Variants in MFAP2 observed in about 807,000 individuals in gnomAD.
The protein encoded by MFAP2 is microfibril associated protein 2, also known as microfibrillar-associated protein 2.
A neutral mutation model predicts 30.6 loss-of-function variants in MFAP2; 23 were observed. The ratio of observed to expected loss-of-function variants is 0.75; its 90% confidence interval spans 0.54 to 1.07. The LOEUF is 1.07. MFAP2 is among the 50% of genes least tolerant of loss of function. The probability of loss-of-function intolerance (pLI) is 0.00; values close to 1 mark genes in which losing one functional copy is unlikely to be tolerated. For synonymous variants in MFAP2, 73 were observed against 85.7 expected, an observed-to-expected ratio of 0.85 and a Z score of 0.82; for missense variants, 198 against 223.8, an observed-to-expected ratio of 0.88 and a Z score of 0.74.
At chr1:16,979,574 G>A (rs753784258) in intron 1 of MFAP2, among the ~76,000 whole-genome samples, 2 of 152,214 alleles carry the variant, frequency 1.3e-5, no homozygotes, top group African/African-American at 4.8e-5. Context: ...CCAGAGGCGA[G>A]GGATAGCTGG....
Position 16,976,863 on chromosome 1 carries a change from GCC to G in MFAP2, c.154+32_154+33del, listed in dbSNP as rs1407988132. On this transcript the variant is annotated intron_variant, in intron 4 of 8. Transcript: ENST00000375535. The surrounding 1 kb of genome is among the most constrained non-coding windows in gnomAD (Gnocchi z 5.5). Reference sequence around the variant, plus strand: ...CCCAGGGGGTCTCCCCACCCCAGCTGCCGGCCCGTCCTATCCTACCCCTAGCC... The same window carrying G: ...CCCAGGGGGTCTCCCCACCCCAGCTGGGCCCGTCCTATCCTACCCCTAGCC... 16 of 1,614,080 alleles carry G rather than the reference GCC, an allele frequency of 9.9e-6. No homozygotes were observed. Among genetic ancestry groups the G allele is most frequent in the Non-Finnish European group, 1.4e-5 (16 of 1,179,978 alleles).
chr1:16,975,678 A>C lies in MFAP2; in HGVS notation c.339T>G (p.Pro113=), dbSNP rs79009833. 547 of 1,614,028 alleles carry C rather than the reference A, an allele frequency of 3.4e-4. 2 individuals carry two copies. The African/African-American group carries it at 6.4e-3, about 19-fold the overall frequency. Residue 113 remains proline, a synonymous_variant, in exon 7 of 9, where the codon CCT becomes CCG. Transcript: ENST00000375535. The surrounding 1 kb of genome is among the most constrained non-coding windows in gnomAD (Gnocchi z 5.0). ...PCTRLYSIHR[P]CKQCLNEVCF... is the part of the protein sequence containing the mutation. Reference sequence around the variant, plus strand: ...AGACCTCGTTGAGACACTGTTTGCAAGGCCTGTGTATGGAGTAGAGGCGGG... The same window carrying C: ...AGACCTCGTTGAGACACTGTTTGCACGGCCTGTGTATGGAGTAGAGGCGGG...
chr1:16,975,217 T>C lies in MFAP2; in HGVS notation c.448+52A>G. 6 of 1,549,540 alleles carry C rather than the reference T, an allele frequency of 3.9e-6. No homozygotes were observed. In the South Asian group the frequency reaches 6.8e-5, roughly 18 times the overall value. ...TCAGGTGGGTGGCTAGGTGGCCAGATAATGATGCGGGTGTGGGGACAGGGG... is the reference window on the plus strand; with the variant it reads ...TCAGGTGGGTGGCTAGGTGGCCAGACAATGATGCGGGTGTGGGGACAGGGG... On this transcript the variant is annotated intron_variant, in intron 8 of 8. Coordinates refer to ENST00000375535, the MANE Select transcript of MFAP2 (RefSeq NM_002403.4). The surrounding 1 kb of genome is among the most constrained non-coding windows in gnomAD (Gnocchi z 5.0).
At chr1:16,977,294 G>C in intron 2 of MFAP2, 96 bp from the exon 3 acceptor site, 1 of 1,169,684 alleles carries the variant, frequency 8.5e-7, no homozygotes, top group South Asian at 1.4e-5. Flanking sequence ...ACAAGGTCAG[G>C]CCCATAAGAG....
chr1:16,981,437 C>G (rs944115197), upstream of MFAP2, among the ~76,000 whole-genome samples: 1 of 152,214 alleles, frequency 6.6e-6, no homozygotes, highest in Admixed American at 6.5e-5. Context: ...CCCTTGGCCC[C>G]GCAGCCTTCC....
chr1:16,980,585 A>G lies in MFAP2; in HGVS notation c.-42+2T>C, dbSNP rs1006947761. On this transcript the variant is annotated splice_donor_variant, in intron 1 of 8. Transcript: ENST00000375535. LOFTEE classifies it low-confidence loss of function (5UTR_SPLICE). ...GCCCCCAAGCGCCAGGCCCGCGCCT[A>G]CCTGTCCGGGTCACTCCGCCGCCCG... The G allele has an allele frequency of 6.6e-6, 1 of 150,680 alleles. No homozygotes were observed. Among genetic ancestry groups the G allele is most frequent in the African/African-American group, 2.5e-5 (1 of 40,784 alleles). The allele number at this position is 150,680 out of a possible 1,614,324, so 9.3% of individuals were successfully genotyped here.
Position 16,975,670 on chromosome 1 carries a change from T to C in MFAP2, c.347A>G (p.Gln116Arg). The C allele has an allele frequency of 6.2e-7, 1 of 1,614,052 alleles. No homozygotes were observed. The highest frequency in any genetic ancestry group is 8.5e-7 in the Non-Finnish European group (1 of 1,179,978). The part of the protein sequence containing the change: ...RLYSIHRPCK[Q>R]CLNEVCFYSL... The stretch of plus-strand genomic sequence containing the variant: ...GTAGAAGCAGACCTCGTTGAGACAC[T>C]GTTTGCAAGGCCTGTGTATGGAGTA... The change falls in exon 7 of 9, where the codon CAG becomes CGG. Residue 116 changes from glutamine (Q) to arginine (R), a missense_variant. Transcript: ENST00000375535. This position sits in a 1 kb window ranked among gnomAD's most constrained non-coding sequence, Gnocchi z 5.0.
rs764742622 is a variant in MFAP2, at chr1:16,976,568, C to T, written c.242-23G>A. On this transcript the variant is annotated intron_variant, in intron 5 of 8. Transcript: ENST00000375535. This position sits in a 1 kb window ranked among gnomAD's most constrained non-coding sequence, Gnocchi z 5.5. Reference sequence around the variant, plus strand: ...GTTCTGGTGTGGAGACAGAGGTAGGCAGACATCACTGGGAGGGGTCTCCTC... The same window carrying T: ...GTTCTGGTGTGGAGACAGAGGTAGGTAGACATCACTGGGAGGGGTCTCCTC... The T allele has an allele frequency of 6.2e-7, 1 of 1,614,158 alleles. No individual in the cohort carries two copies. The highest frequency in any genetic ancestry group is 2.2e-5 in the East Asian group (1 of 44,874).
chr1:16,976,520 G>C lies in MFAP2; in HGVS notation c.267C>G (p.Pro89=). 1.2e-6 allele frequency: 2 copies of C among 1,614,220 alleles called. No individual in the cohort carries two copies. Among genetic ancestry groups the C allele is most frequent in the Non-Finnish European group, 1.7e-6 (2 of 1,180,026 alleles). Residue 89 remains proline (P), a synonymous_variant, in exon 6 of 9, where the codon CCC becomes CCG. Transcript: ENST00000375535. This position sits in a 1 kb window ranked among gnomAD's most constrained non-coding sequence, Gnocchi z 5.5. Reference sequence around the variant, plus strand: ...CCTTACCAAGAGGCCCAGGCTCTGTGGGCTCCAGCTCTGCATTTCCTGGTT... The same window carrying C: ...CCTTACCAAGAGGCCCAGGCTCTGTCGGCTCCAGCTCTGCATTTCCTGGTT... ...TPEPGNAELE[P]TEPGPLDCRE...
At chr1:16,980,019 A>C (rs2076624117) in intron 1 of MFAP2, among the ~76,000 whole-genome samples, 1 of 147,490 alleles carries the variant, frequency 6.8e-6, no homozygotes. Context: ...CCCACCCCCG[A>C]CTCCCCTGCG....
Position 16,976,086 on chromosome 1 carries a change from A to AT in MFAP2, c.287-357dup. The AT allele has an allele frequency of 1.3e-5, 6 of 458,494 alleles. No individual in the cohort carries two copies. Among genetic ancestry groups the AT allele is most frequent in the Non-Finnish European group, 2.4e-5 (6 of 250,992 alleles). 28.4% of individuals were successfully genotyped at this position (458,494 alleles called of 1,614,324 possible). On this transcript the variant is annotated intron_variant, in intron 6 of 8. Transcript: ENST00000375535. This position sits in a 1 kb window ranked among gnomAD's most constrained non-coding sequence, Gnocchi z 5.5. ...AACCCACACGAGAGTGAGCACACGGATTCTCCTGCACACACACACCTTGTT... is the reference window on the plus strand; with the variant it reads ...AACCCACACGAGAGTGAGCACACGGATTTCTCCTGCACACACACACCTTGTT...
intron 3 of MFAP2, 89 bp downstream of exon 3, chr1:16,977,020 A>T: frequency 6.2e-7 from 1 of 1,612,684 alleles, no homozygotes. Context: ...ACCAACCCCC[A>T]GAGTTCCCAT....
upstream of MFAP2, among the ~76,000 whole-genome samples, chr1:16,981,337 C>T (rs2076636902): frequency 6.6e-6 from 1 of 152,192 alleles, no homozygotes; most frequent in Non-Finnish European, 1.5e-5. Context: ...CAAATGTCCT[C>T]AAGATGCATC....
rs912894222 is a variant in MFAP2, at chr1:16,975,113, T to G, written c.449-90A>C. 3.7e-6 allele frequency: 5 copies of G among 1,360,672 alleles called. No individual in the cohort carries two copies. The highest frequency in any genetic ancestry group is 5.1e-6 in the Non-Finnish European group (5 of 972,526). 84.3% of individuals were successfully genotyped at this position (1,360,672 alleles called of 1,614,324 possible). On this transcript the variant is annotated intron_variant, in intron 8 of 8. Transcript: ENST00000375535. The surrounding 1 kb of genome is among the most constrained non-coding windows in gnomAD (Gnocchi z 5.0). The stretch of plus-strand genomic sequence containing the variant: ...CCCAACTCTGGTGATGGGAGTGTTT[T>G]GAGGATGAAAAGTAGCAAGGAGGGG...
Position 16,975,196 on chromosome 1 carries a change from G to T in MFAP2, c.448+73C>A. The stretch of plus-strand genomic sequence containing the variant: ...ATAATATGTGTTGAATAAACATCAG[G>T]TGGGTGGCTAGGTGGCCAGATAATG... On this transcript the variant is annotated intron_variant, in intron 8 of 8. Coordinates refer to ENST00000375535, the MANE Select transcript of MFAP2 (RefSeq NM_002403.4). This position sits in a 1 kb window ranked among gnomAD's most constrained non-coding sequence, Gnocchi z 5.0. 1 of 1,434,562 alleles carries T rather than the reference G, an allele frequency of 7.0e-7. No individual in the cohort carries two copies. The highest frequency in any genetic ancestry group is 9.7e-7 in the Non-Finnish European group (1 of 1,025,782). 88.9% of individuals were successfully genotyped at this position (1,434,562 alleles called of 1,614,324 possible). A position where few individuals can be genotyped will look rare whatever the true frequency, so the allele number is the denominator to read the frequency against.
chr1:16,976,322 G>A lies in MFAP2; in HGVS notation c.286+179C>T. The stretch of plus-strand genomic sequence containing the variant: ...AGCCAGGCACACTGGGGACAGGTGG[G>A]ACCTCCTGGAGCTGCCTGGGGGGCC... On this transcript the variant is annotated intron_variant, in intron 6 of 8. Transcript: ENST00000375535. This position sits in a 1 kb window ranked among gnomAD's most constrained non-coding sequence, Gnocchi z 5.5. The A allele has an allele frequency of 1.3e-6, 1 of 747,670 alleles. No individual in the cohort carries two copies. The highest frequency in any genetic ancestry group is 2.6e-5 in the East Asian group (1 of 38,428). 46.3% of individuals were successfully genotyped at this position (747,670 alleles called of 1,614,324 possible). A position where few individuals can be genotyped will look rare whatever the true frequency, so the allele number is the denominator to read the frequency against.
Position 16,976,824 on chromosome 1 carries a change from C to A in MFAP2, c.155-30G>T, listed in dbSNP as rs758675545. The A allele has an allele frequency of 1.2e-6, 2 of 1,614,048 alleles. No homozygotes were observed. Among genetic ancestry groups the A allele is most frequent in the Non-Finnish European group, 1.7e-6 (2 of 1,179,972 alleles). ...AGCCAGGGGAGGATAAGGGGGTCTG[C>A]TCCCTCTACCCCTCCCAGGGGGTCT... On this transcript the variant is annotated intron_variant, in intron 4 of 8. Transcript: ENST00000375535. The surrounding 1 kb of genome is among the most constrained non-coding windows in gnomAD (Gnocchi z 5.5).
At chr1:16,980,701 G>A (rs1425281501), upstream of MFAP2, 2 of 152,076 alleles carry the variant, frequency 1.3e-5, no homozygotes, top group Non-Finnish European at 2.9e-5. Context: ...TCCAGCCCCG[G>A]AGCCGCTGGG....
chr1:16,978,717 C>A (rs1386330694), intron 1 of MFAP2, among the ~76,000 whole-genome samples: 1 of 152,210 alleles, frequency 6.6e-6, no homozygotes, highest in African/African-American at 2.4e-5. Flanking sequence ...GCGTGAATCA[C>A]TGAACCCAGG....
Sources: allele counts gnomAD v4.1 joint callset (sites outside exome capture counted in the v4.1 genomes callset), GRCh38; gene constraint gnomAD v4.1.1; non-coding constraint Gnocchi (gnomAD v3.1); transcripts MANE v1.5; gene names NCBI Gene and HGNC (gene_info 2026-07-23, HGNC 2026-07-21).